COL25A1: variants seen among roughly 807,000 people sequenced by gnomAD.
The protein encoded by COL25A1 is collagen type XXV alpha 1 chain.
COL25A1 carries 103 observed loss-of-function variants against 128.4 expected under a neutral mutation model. That is an observed-to-expected ratio of 0.80 (90% confidence interval 0.68 to 0.94). The LOEUF is 0.94. Among genes scored for constraint, COL25A1 ranks in the 40% least tolerant of loss-of-function variants. The pLI, the probability that COL25A1 is intolerant of heterozygous loss-of-function variation, is 0.00. For synonymous variants in COL25A1, 279 were observed against 277.2 expected (o/e 1.01, Z -0.06); for missense variants, 745 against 840.0 (o/e 0.89, Z 1.40).
In COL25A1 at chr4:108,878,343, C is replaced by T. The variant is rs114899840; in HGVS notation, c.1020+5835G>A. Reference sequence around the variant, plus strand: ...AGTTTTCATTGCCCAATAAATAGTACAGCAGGGCTTAAAAAATATGTGCTG... The same window carrying T: ...AGTTTTCATTGCCCAATAAATAGTATAGCAGGGCTTAAAAAATATGTGCTG... On this transcript the variant is annotated intron_variant, in intron 19 of 37. Coordinates refer to ENST00000399132, the MANE Select transcript of COL25A1 (RefSeq NM_198721.4). Among the ~76,000 whole-genome samples, 1,087 of 151,476 alleles carry T rather than the reference C, an allele frequency of 7.2e-3. 17 individuals are homozygous for T. Among genetic ancestry groups the T allele is most frequent in the African/African-American group, 0.025 (1,041 of 41,266 alleles).
intron 8 of COL25A1, among the ~76,000 whole-genome samples, chr4:108,943,877 C>T (rs1748431157): frequency 6.6e-6 from 1 of 150,748 alleles, no homozygotes; most frequent in Non-Finnish European, 1.5e-5. Context: ...TAAACAACAA[C>T]CACAGCAATA....
chr4:109,138,400 G>A (rs1770023737), intron 3 of COL25A1, among the ~76,000 whole-genome samples: 1 of 152,152 alleles, frequency 6.6e-6, no homozygotes, highest in Admixed American at 6.5e-5. Flanking sequence ...TGGGCATATG[G>A]GTTGGTTCCA....
intron 5 of COL25A1, among the ~76,000 whole-genome samples, chr4:109,033,762 T>C (rs1759086160): frequency 6.6e-6 from 1 of 152,198 alleles, no homozygotes; most frequent in African/African-American, 2.4e-5. Flanking sequence ...TAATTTATTT[T>C]GACAGTAATA....
intron 3 of COL25A1, among the ~76,000 whole-genome samples, chr4:109,113,378 T>G (rs1477257899): frequency 2.6e-5 from 4 of 151,986 alleles, no homozygotes; most frequent in African/African-American, 4.8e-5. Context: ...CACAAGAGAA[T>G]TTTTAACACA....
chr4:108,940,604 G>A lies in COL25A1; in HGVS notation c.607C>T (p.Pro203Ser). The A allele has an allele frequency of 4.3e-6, 7 of 1,611,300 alleles. No homozygotes were observed. Among genetic ancestry groups the A allele is most frequent in the Non-Finnish European group, 5.9e-6 (7 of 1,178,544 alleles). Residue 203 changes from proline (P) to serine (S), a missense_variant, in exon 10 of 38, where the codon CCA becomes TCA. Coordinates refer to ENST00000399132, the MANE Select transcript of COL25A1 (RefSeq NM_198721.4). The part of the protein sequence containing the change: ...QAGPPGPPGP[P>S]GPRGPPGDTG... ...TCCCCAGGTGGCCCTCTTGGGCCTGGAGGGCCAGGGGGTCCTGGAGGCCCT... is the reference window on the plus strand; with the variant it reads ...TCCCCAGGTGGCCCTCTTGGGCCTGAAGGGCCAGGGGGTCCTGGAGGCCCT...
chr4:108,851,270 T>C (rs1414041801), intron 26 of COL25A1, among the ~76,000 whole-genome samples: 1 of 152,096 alleles, frequency 6.6e-6, no homozygotes, highest in Non-Finnish European at 1.5e-5. Flanking sequence ...CTTATATTAA[T>C]GTTATACAAG....
chr4:109,068,192 C>T (rs1762620449), intron 3 of COL25A1, among the ~76,000 whole-genome samples: 1 of 152,120 alleles, frequency 6.6e-6, no homozygotes, highest in African/African-American at 2.4e-5. Context: ...GGACATCTGC[C>T]CTTTTCTTTT....
chr4:109,226,901 C>G (rs1040544839), intron 3 of COL25A1, among the ~76,000 whole-genome samples: 8 of 152,138 alleles, frequency 5.3e-5, no homozygotes, highest in African/African-American at 1.9e-4. Context: ...ATGAGTATAG[C>G]AGTTGTGAGT....
chr4:109,050,182 G>A lies in COL25A1; in HGVS notation c.368-3C>T, dbSNP rs1321074729. 1 of 1,605,454 alleles carries A rather than the reference G, an allele frequency of 6.2e-7. No homozygotes were observed. The highest frequency in any genetic ancestry group is 1.7e-4 in the Middle Eastern group (1 of 6,006). ...CTTACCTCGTTTCCCTGGAGGGCCTGAAATACAAAGGATAATTTTTTTAGT... is the reference window on the plus strand; with the variant it reads ...CTTACCTCGTTTCCCTGGAGGGCCTAAAATACAAAGGATAATTTTTTTAGT... On this transcript the variant is annotated splice_region_variant and splice_polypyrimidine_tract_variant and intron_variant, in intron 3 of 37. Coordinates refer to ENST00000399132, the MANE Select transcript of COL25A1 (RefSeq NM_198721.4).
At chr4:108,901,222 C>A (rs551323181) in intron 13 of COL25A1, 50 bp from the exon 14 acceptor site, 2 of 1,241,404 alleles carry the variant, frequency 1.6e-6, no homozygotes, top group South Asian at 2.4e-5. Flanking sequence ...AAAATCAATA[C>A]ATTACATGGA....
Position 108,813,776 on chromosome 4 carries a change from T to C in COL25A1, c.*151A>G. The C allele has an allele frequency of 3.3e-6, 2 of 607,490 alleles. No individual in the cohort carries two copies. Among genetic ancestry groups the C allele is most frequent in the Non-Finnish European group, 5.9e-6 (2 of 340,012 alleles). The allele number at this position is 607,490 out of a possible 1,614,324, so 37.6% of individuals were successfully genotyped here. ...TGCCCAATTTCAGATGTAAGTGGAG[T>C]AAAAATGGACATGTATACTACTGCC... On this transcript the variant is annotated 3_prime_UTR_variant, in exon 38 of 38. Transcript: ENST00000399132.
At chr4:109,205,527 A>G (rs1776907129) in intron 3 of COL25A1, among the ~76,000 whole-genome samples, 2 of 152,168 alleles carry the variant, frequency 1.3e-5, no homozygotes, top group Admixed American at 1.3e-4. Flanking sequence ...TTGGAAAATA[A>G]AAACAGTCAT....
At chr4:109,244,934 TTC>T (rs1172414834) in intron 3 of COL25A1, among the ~76,000 whole-genome samples, 1 of 152,148 alleles carries the variant, frequency 6.6e-6, no homozygotes, top group African/African-American at 2.4e-5. Flanking sequence ...ATAATCTCTA[TTC>T]AAATAGCCAT....
intron 6 of COL25A1, among the ~76,000 whole-genome samples, chr4:109,008,495 C>G: frequency 6.6e-6 from 1 of 152,106 alleles, no homozygotes; most frequent in East Asian, 1.9e-4. Flanking sequence ...TTAAGAAATG[C>G]TTTGGGATGT....
intron 3 of COL25A1, among the ~76,000 whole-genome samples, chr4:109,213,584 C>G (rs1229710521): frequency 6.6e-6 from 1 of 152,166 alleles, no homozygotes; most frequent in Non-Finnish European, 1.5e-5. Context: ...TCCCAGTTAA[C>G]AGCACCAACT....
At chr4:109,014,934 A>G (rs1757076741) in intron 5 of COL25A1, among the ~76,000 whole-genome samples, 1 of 152,198 alleles carries the variant, frequency 6.6e-6, no homozygotes, top group South Asian at 2.1e-4. Context: ...ACGTCCTCTC[A>G]CTCACTAGGA....
At chr4:108,896,806 C>T (rs10856995) in intron 15 of COL25A1, 95 bp from the exon 16 acceptor site, 605,685 of 1,045,418 alleles carry the variant, frequency 0.58, 184,391 homozygotes, top group East Asian at 1. Flanking sequence ...ATGAACACTA[C>T]ATATTAAAAT....
chr4:109,045,516 A>G (rs1760347534), intron 5 of COL25A1, among the ~76,000 whole-genome samples: 1 of 152,166 alleles, frequency 6.6e-6, no homozygotes. Flanking sequence ...GAAATTTGTT[A>G]TAAAGCCACC....
At chr4:108,911,764 C>A (rs1744247552) in intron 13 of COL25A1, among the ~76,000 whole-genome samples, 1 of 147,820 alleles carries the variant, frequency 6.8e-6, no homozygotes, top group Non-Finnish European at 1.5e-5. Context: ...TAGTGGATTT[C>A]ATGATGCCAT....
Sources: gnomAD v4.1 joint callset for allele counts (sites outside exome capture counted in the v4.1 genomes callset) on GRCh38, gnomAD v4.1.1 for gene constraint, MANE v1.5 for transcripts, NCBI Gene and HGNC (gene_info 2026-07-23, HGNC 2026-07-21) for gene names.